The following CALN1 variants were observed in gnomAD, a reference collection of about 807,000 sequenced individuals.
The protein encoded by CALN1 is calcium-binding protein 8.
Under a neutral mutation model 30.6 loss-of-function variants are expected in CALN1, and 17 were observed. That is an observed-to-expected ratio of 0.56 (90% CI 0.38 to 0.83). The LOEUF (loss-of-function observed/expected upper bound fraction) is 0.83. Ranked by LOEUF, CALN1 falls within the 40% of genes least tolerant of loss-of-function variation. The pLI is 0.00. For synonymous variants in CALN1, 156 were observed against 131.4 expected (o/e 1.19, Z -1.28); for missense variants, 291 against 354.9 (o/e 0.82, Z 1.45).
chr7:72,386,406 A>AAGGAACTATACATAAGCGTTTT (rs1805211635), intron 2 of CALN1, among the ~76,000 whole-genome samples: 1 of 152,190 alleles, frequency 6.6e-6, no homozygotes, highest in South Asian at 2.1e-4. Flanking sequence ...ACTCACTGCA[A>AAGGAACTATACATAAGCGTTTT]AGGAACTATA....
the CALN1 span, among the ~76,000 whole-genome samples, chr7:72,492,027 C>T: frequency 6.6e-6 from 1 of 152,184 alleles, no homozygotes; most frequent in Non-Finnish European, 1.5e-5. Context: ...TTCTCCAGTG[C>T]CCTCATCATG....
chr7:72,196,601 A>G (rs1273765976), intron 3 of CALN1, among the ~76,000 whole-genome samples: 1 of 152,234 alleles, frequency 6.6e-6, no homozygotes, highest in Non-Finnish European at 1.5e-5. Flanking sequence ...AGATTCAAAT[A>G]TAATTCTTTA....
intron 5 of CALN1, among the ~76,000 whole-genome samples, chr7:71,887,372 C>T (rs550868303): frequency 4.3e-4 from 66 of 152,228 alleles, no homozygotes; most frequent in Admixed American, 1.2e-3. Flanking sequence ...CTCGGCTTAC[C>T]GCAACCTCCA....
chr7:71,815,372 T>C (rs762637060), intron 5 of CALN1, among the ~76,000 whole-genome samples: 16 of 152,198 alleles, frequency 1.1e-4, no homozygotes, highest in Non-Finnish European at 8.8e-5. Context: ...GCCAAAGTGA[T>C]AGAAGTATGA....
At chr7:72,399,639 A>G (rs1352319534) in intron 2 of CALN1, among the ~76,000 whole-genome samples, 1 of 152,130 alleles carries the variant, frequency 6.6e-6, no homozygotes, top group Non-Finnish European at 1.5e-5. Flanking sequence ...CTTCTTAAAA[A>G]GCTCCAACTT....
chr7:71,962,323 A>G (rs149731376), intron 5 of CALN1, among the ~76,000 whole-genome samples: 1,830 of 152,124 alleles, frequency 0.012, 33 homozygotes, highest in African/African-American at 0.041. Flanking sequence ...GGATCACTTG[A>G]GCCCAGGAGT....
intron 3 of CALN1, among the ~76,000 whole-genome samples, chr7:72,242,068 C>T (rs749983473): frequency 2.2e-4 from 34 of 152,310 alleles, no homozygotes; most frequent in Non-Finnish European, 1.8e-4. Context: ...CTGGCAACCA[C>T]CCTTCTACTT....
At chr7:72,484,109 T>C in the CALN1 span, among the ~76,000 whole-genome samples, 1 of 152,196 alleles carries the variant, frequency 6.6e-6, no homozygotes, top group African/African-American at 2.4e-5. Flanking sequence ...GACACCATTG[T>C]CAGTTCTGGG....
At position 71,887,512 on chromosome 7, in the gene CALN1, A is replaced by C. The variant is rs138210606; in HGVS notation, c.502-77020T>G. On this transcript the variant is annotated intron_variant, in intron 5 of 6. Coordinates refer to ENST00000395275, the MANE Select transcript of CALN1 (RefSeq NM_031468.4). ...GTTTCTCCATGTTGGTGGTCAGGCT[A>C]GTCTTGAACCCCCCCACTTCAGGTG... 3.5e-3 allele frequency among the ~76,000 whole-genome samples: 535 copies of C among 152,190 alleles called. 2 individuals are homozygous for C. Among genetic ancestry groups the C allele is most frequent in the African/African-American group, 0.012 (501 of 41,526 alleles).
At chr7:72,233,516 G>A (rs917522999) in intron 3 of CALN1, among the ~76,000 whole-genome samples, 13 of 152,058 alleles carry the variant, frequency 8.5e-5, no homozygotes, top group Non-Finnish European at 1.9e-4. Context: ...AGGAGTTTGA[G>A]ACCAGCATCG....
chr7:72,067,548 C>A (rs1368717313), intron 4 of CALN1, among the ~76,000 whole-genome samples: 1 of 152,182 alleles, frequency 6.6e-6, no homozygotes, highest in African/African-American at 2.4e-5. Context: ...CCACTCTCAG[C>A]CACTCCATAA....
chr7:71,861,882 A>G (rs972631963), intron 5 of CALN1, among the ~76,000 whole-genome samples: 3 of 151,298 alleles, frequency 2.0e-5, no homozygotes, highest in Admixed American at 6.6e-5. Context: ...AGACCTTTCC[A>G]GGTCCTTTTC....
chr7:72,190,501 A>G (rs1790524965), intron 3 of CALN1, among the ~76,000 whole-genome samples: 1 of 152,232 alleles, frequency 6.6e-6, no homozygotes, highest in Admixed American at 6.5e-5. Context: ...TGGCACATCT[A>G]TTCACATTTC....
intron 3 of CALN1, among the ~76,000 whole-genome samples, chr7:72,155,778 C>T (rs1787624523): frequency 6.6e-6 from 1 of 152,140 alleles, no homozygotes; most frequent in Non-Finnish European, 1.5e-5. Context: ...TGTCAGAGGT[C>T]CAAAGTGAGT....
chr7:71,872,040 T>A (rs1056159291), intron 5 of CALN1, among the ~76,000 whole-genome samples: 2 of 152,212 alleles, frequency 1.3e-5, no homozygotes, highest in African/African-American at 4.8e-5. Flanking sequence ...AGATAACTTT[T>A]AATGTTATTT....
At chr7:71,790,242 AAAGG>A (rs1347066433) in intron 6 of CALN1, among the ~76,000 whole-genome samples, 2 of 151,594 alleles carry the variant, frequency 1.3e-5, no homozygotes, top group East Asian at 3.9e-4. Context: ...AGAATGAAAG[AAAGG>A]AAGGAAGAAG....
At chr7:71,963,413 A>G (rs184813786) in intron 5 of CALN1, among the ~76,000 whole-genome samples, 22 of 152,178 alleles carry the variant, frequency 1.4e-4, no homozygotes, top group African/African-American at 4.8e-4. Context: ...CACCTGCCTC[A>G]GCCTCCCAAA....
At chr7:72,445,105 C>CACACACAA (rs1268740271) in intron 1 of CALN1, among the ~76,000 whole-genome samples, 2 of 128,990 alleles carry the variant, frequency 1.6e-5, no homozygotes, top group African/African-American at 6.3e-5. Context: ...CACACACACA[C>CACACACAA]AACATTAAGT....
In CALN1 at chr7:72,018,860, A is replaced by G. The variant is rs191032255; in HGVS notation, c.501+4797T>C. ...TTATTTATTTATTTATTTTTGAGACAGGGTCTTGCTCTGTCACCCAGGCTG... is the reference window on the plus strand; with the variant it reads ...TTATTTATTTATTTATTTTTGAGACGGGGTCTTGCTCTGTCACCCAGGCTG... On this transcript the variant is annotated intron_variant, in intron 5 of 6. Coordinates refer to ENST00000395275, the MANE Select transcript of CALN1 (RefSeq NM_031468.4). Among the ~76,000 whole-genome samples, 616 of 152,222 alleles carry G rather than the reference A, an allele frequency of 4.0e-3. 11 individuals carry two copies. The East Asian group carries it at 0.054, about 13-fold the overall frequency.
Sources: allele counts gnomAD v4.1 joint callset (sites outside exome capture counted in the v4.1 genomes callset), GRCh38; gene constraint gnomAD v4.1.1; transcripts MANE v1.5; gene names NCBI Gene and HGNC (gene_info 2026-07-23, HGNC 2026-07-21).